The following TBC1D8B variants were observed in gnomAD, a reference collection of about 807,000 sequenced individuals.
TBC1D8B encodes TBC1 domain family member 8B.
A neutral mutation model predicts 82.9 loss-of-function variants in TBC1D8B; 75 were observed. The observed-to-expected ratio is 0.90, with a 90% CI of 0.75 to 1.10. The LOEUF (loss-of-function observed/expected upper bound fraction) is 1.10, where lower values mean the gene tolerates loss of function less well. TBC1D8B is among the 50% of genes least tolerant of loss of function. The pLI, the probability that TBC1D8B is intolerant of heterozygous loss-of-function variation, is 0.00. For missense variants in TBC1D8B, 794 were observed against 796.9 expected (o/e 1.00, Z 0.04); for synonymous variants, 276 against 276.8 (o/e 1.00, Z 0.03).
chrX:106,868,143 A>G (rs1462085054), intron 17 of TBC1D8B, among the ~76,000 whole-genome samples: 1 of 110,435 alleles, frequency 9.1e-6, no homozygotes, highest in Non-Finnish European at 1.9e-5. Flanking sequence ...AAAAACAAGT[A>G]GGAAAAAAAT....
At chrX:106,811,554 A>G (rs1420210113) in intron 1 of TBC1D8B, among the ~76,000 whole-genome samples, 6 of 111,616 alleles carry the variant, frequency 5.4e-5, no homozygotes, top group Non-Finnish European at 9.4e-5. Context: ...AACAAGGTGT[A>G]ATCACATTTT....
At position 106,874,577 on chromosome X, in the gene TBC1D8B, G is replaced by A. The variant is rs1266990182; in HGVS notation, c.*612G>A. On this transcript the variant is annotated 3_prime_UTR_variant, in exon 21 of 21. Transcript: ENST00000357242. ...ACCTTCTACAGTCTTCCTACCTGAGGGGTTCAGAGGCTGCTGACTCACACT... is the reference window on the plus strand; with the variant it reads ...ACCTTCTACAGTCTTCCTACCTGAGAGGTTCAGAGGCTGCTGACTCACACT... 9.0e-6 allele frequency: 1 copy of A among 111,258 alleles called. No individual in the cohort carries two copies. The highest frequency in any genetic ancestry group is 1.9e-5 in the Non-Finnish European group (1 of 53,044). The allele number at this position is 111,258 out of a possible 1,213,427, so 9.2% of individuals were successfully genotyped here. A position where few individuals can be genotyped will look rare whatever the true frequency, so the allele number is the denominator to read the frequency against.
intron 6 of TBC1D8B, among the ~76,000 whole-genome samples, chrX:106,826,691 C>T (rs769717014): frequency 9.4e-5 from 10 of 106,180 alleles, no homozygotes; most frequent in South Asian, 4.4e-4. Flanking sequence ...TTTGTCCTTG[C>T]GATAGTTTGC....
At chrX:106,840,255 G>T in intron 9 of TBC1D8B, 57 bp downstream of exon 9, 1 of 1,084,529 alleles carries the variant, frequency 9.2e-7, no homozygotes, top group Non-Finnish European at 1.3e-6. Context: ...CTTTCTAGGA[G>T]TTATGCCCTA....
intron 1 of TBC1D8B, among the ~76,000 whole-genome samples, chrX:106,803,727 C>T (rs186919567): frequency 9.0e-6 from 1 of 111,704 alleles, no homozygotes; most frequent in African/African-American, 3.3e-5. Context: ...TCCTGTCTAA[C>T]CCACCCTGAC....
At chrX:106,863,594 C>T (rs771931107) in intron 14 of TBC1D8B, among the ~76,000 whole-genome samples, 3 of 111,495 alleles carry the variant, frequency 2.7e-5, no homozygotes, top group African/African-American at 9.8e-5. Context: ...CTGGGAGCTG[C>T]GGGAGTGAGT....
chrX:106,863,610 C>T (rs1332753111), intron 14 of TBC1D8B, among the ~76,000 whole-genome samples: 1 of 111,614 alleles, frequency 9.0e-6, no homozygotes, highest in Non-Finnish European at 1.9e-5. Context: ...TGAGTAGTGT[C>T]ACCTAATCTG....
At chrX:106,845,010 A>C (rs1224905037) in intron 10 of TBC1D8B, among the ~76,000 whole-genome samples, 1 of 110,968 alleles carries the variant, frequency 9.0e-6, no homozygotes. Context: ...TTGTTGGCAT[A>C]TAATTTTTCA....
chrX:106,830,633 A>G (rs1932012264), intron 7 of TBC1D8B, among the ~76,000 whole-genome samples: 1 of 110,355 alleles, frequency 9.1e-6, no homozygotes, highest in African/African-American at 3.3e-5. Flanking sequence ...TGATGAGTTC[A>G]TGTCCTTTGT....
intron 1 of TBC1D8B, among the ~76,000 whole-genome samples, chrX:106,803,364 C>T (rs1931089884): frequency 9.0e-6 from 1 of 111,376 alleles, no homozygotes; most frequent in South Asian, 3.8e-4. Context: ...TTTCACAGAA[C>T]CCATACCGAT....
In TBC1D8B at chrX:106,873,630, G is replaced by A; in HGVS notation, c.3028G>A (p.Glu1010Lys). 3.3e-6 allele frequency: 4 copies of A among 1,209,811 alleles called. No individual in the cohort carries two copies. The highest frequency in any genetic ancestry group is 4.5e-6 in the Non-Finnish European group (4 of 894,680). ...CTTATTTCATGAGGACCCTGAAGAA[G>A]AATCATTATATCAAGCCATTGCTGT... ...YNLFHEDPEEESLYQAIAVVT... is the reference protein window; with the variant it reads ...YNLFHEDPEEKSLYQAIAVVT... The change falls in exon 21 of 21, where the codon GAA (glutamate) becomes AAA (lysine). Residue 1010 changes from glutamate to lysine, a missense_variant. Glu to Lys is a moderately conservative substitution (Grantham distance 56, BLOSUM62 1). Coordinates refer to ENST00000357242, the MANE Select transcript of TBC1D8B (RefSeq NM_017752.3).
At chrX:106,863,801 C>T (rs977148615) in intron 14 of TBC1D8B, among the ~76,000 whole-genome samples, 2 of 111,627 alleles carry the variant, frequency 1.8e-5, no homozygotes, top group Non-Finnish European at 3.8e-5. Context: ...ATGTTGCAGC[C>T]ACTGGCTAAG....
intron 12 of TBC1D8B, 115 bp from the exon 13 acceptor site, chrX:106,853,406 C>T (rs1011453973): frequency 5.8e-5 from 41 of 707,918 alleles, no homozygotes; most frequent in African/African-American, 8.6e-5. Context: ...AAGACCTTCC[C>T]TTGTCCTCTC....
chrX:106,822,594 C>T (rs1440444090), intron 4 of TBC1D8B, among the ~76,000 whole-genome samples: 1 of 111,263 alleles, frequency 9.0e-6, no homozygotes, highest in Non-Finnish European at 1.9e-5. Context: ...AAGAATCAAA[C>T]AGTGCTATTT....
chrX:106,830,148 A>T (rs1034758219), intron 7 of TBC1D8B: 2 of 112,272 alleles, frequency 1.8e-5, no homozygotes, highest in African/African-American at 3.2e-5. Context: ...ATGAACAGAC[A>T]CTTCTCAAAA....
At chrX:106,845,230 T>A (rs1001579688) in intron 10 of TBC1D8B, among the ~76,000 whole-genome samples, 4 of 111,101 alleles carry the variant, frequency 3.6e-5, no homozygotes, top group African/African-American at 1.3e-4. Context: ...CTATGTTTTT[T>A]ATCCTTTTTG....
intron 7 of TBC1D8B, among the ~76,000 whole-genome samples, chrX:106,834,777 A>G (rs1404366559): frequency 8.9e-6 from 1 of 112,113 alleles, no homozygotes; most frequent in East Asian, 2.8e-4. Flanking sequence ...CCAAATCATA[A>G]AGCCCTGAAA....
At chrX:106,841,359 T>A (rs1932302364) in intron 10 of TBC1D8B, among the ~76,000 whole-genome samples, 1 of 112,015 alleles carries the variant, frequency 8.9e-6, no homozygotes, top group Admixed American at 9.5e-5. Flanking sequence ...TTGGTGAATT[T>A]TGGACATATG....
intron 7 of TBC1D8B, chrX:106,827,672 C>T (rs1302101358): frequency 6.5e-6 from 1 of 152,712 alleles, no homozygotes; most frequent in African/African-American, 3.2e-5. Context: ...AGTGAGGCCT[C>T]GAAAAAGGAC....
Sources: gnomAD v4.1 joint callset for allele counts (sites outside exome capture counted in the v4.1 genomes callset) on GRCh38, gnomAD v4.1.1 for gene constraint, MANE v1.5 for transcripts, NCBI Gene and HGNC (gene_info 2026-07-23, HGNC 2026-07-21) for gene names.